The following ANGPT2 variants were observed in gnomAD, a reference collection of about 807,000 sequenced individuals.
The protein encoded by ANGPT2 is angiopoietin-2.
A neutral mutation model predicts 62.9 loss-of-function variants in ANGPT2; 28 were observed. The observed-to-expected ratio is 0.44, with a 90% CI of 0.33 to 0.61. ANGPT2 has a LOEUF of 0.61. Ranked by LOEUF, ANGPT2 falls within the 20% of genes least tolerant of loss-of-function variation. The probability of loss-of-function intolerance (pLI) is 0.03; values close to 1 mark genes in which losing one functional copy is unlikely to be tolerated. For missense variants in ANGPT2, 727 were observed against 594.9 expected (o/e 1.22, Z -2.31); for synonymous variants, 284 against 207.8 (o/e 1.37, Z -3.15).
intron 7 of ANGPT2, among the ~76,000 whole-genome samples, chr8:6,510,848 C>T (rs543373542): frequency 6.6e-6 from 1 of 152,168 alleles, no homozygotes; most frequent in Admixed American, 6.5e-5. Flanking sequence ...AAACTTCATC[C>T]TAAGGCATGA....
rs772416353 is a variant in ANGPT2, at chr8:6,519,923, C to T, written c.868G>A (p.Gly290Arg). The change falls in exon 5 of 9, where the codon GGA (glycine) becomes AGA (arginine). Residue 290 changes from glycine (G) to arginine (R), a missense_variant. By Grantham distance (125) the Gly-to-Arg change is moderately radical. Coordinates refer to ENST00000629816, the MANE Select transcript of ANGPT2 (RefSeq NM_001118887.2). ...GTGTAGATGCCATTCGTGGTGTGTCCTGATTTGAATACTTCAGCACAGTCT... is the reference window on the plus strand; with the variant it reads ...GTGTAGATGCCATTCGTGGTGTGTCTTGATTTGAATACTTCAGCACAGTCT... The part of the protein sequence containing the change: ...FRDCAEVFKS[G>R]HTTNGIYTLT... 10 of 1,613,768 alleles carry T rather than the reference C, an allele frequency of 6.2e-6. No homozygotes were observed. Among genetic ancestry groups the T allele is most frequent in the Non-Finnish European group, 8.5e-6 (10 of 1,179,878 alleles).
Position 6,519,871 on chromosome 8 carries a change from T to C in ANGPT2, c.920A>G (p.Glu307Gly). 1.2e-6 allele frequency: 2 copies of C among 1,613,896 alleles called. No homozygotes were observed. The highest frequency in any genetic ancestry group is 1.7e-6 in the Non-Finnish European group (2 of 1,179,850). The part of the protein sequence containing the change: ...YTLTFPNSTE[E>G]IKAYCDMEAG... ...GGGAGACGAATACCTCACCTTGATC[T>C]CTTCTGTAGAATTAGGGAATGTTAA... The change falls in exon 5 of 9, where the codon GAG (glutamate) becomes GGG (glycine). Residue 307 changes from glutamate (E) to glycine (G), a missense_variant. Glu to Gly is a moderately conservative substitution (Grantham distance 98). Transcript: ENST00000629816.
intron 1 of ANGPT2, among the ~76,000 whole-genome samples, chr8:6,553,210 A>G (rs1452968511): frequency 6.6e-6 from 1 of 152,180 alleles, no homozygotes; most frequent in Non-Finnish European, 1.5e-5. Flanking sequence ...GAGGGGGGAT[A>G]TGGGAACTCT....
chr8:6,525,144 G>A (rs1419653854), intron 3 of ANGPT2, among the ~76,000 whole-genome samples: 1 of 152,172 alleles, frequency 6.6e-6, no homozygotes, highest in African/African-American at 2.4e-5. Context: ...ACCAGCCAAG[G>A]AACTGGCTAC....
intron 1 of ANGPT2, among the ~76,000 whole-genome samples, chr8:6,535,607 AAAT>A (rs921567499): frequency 5.3e-5 from 8 of 152,230 alleles, no homozygotes; most frequent in Admixed American, 2.6e-4. Context: ...TAGTGTCTAT[AAAT>A]ATATACAGCT....
chr8:6,505,447 A>C lies in ANGPT2; in HGVS notation c.1328-2186T>G, dbSNP rs1449726272. On this transcript the variant is annotated intron_variant, in intron 8 of 8. Coordinates refer to ENST00000629816, the MANE Select transcript of ANGPT2 (RefSeq NM_001118887.2). ...TAAAGAATATATATATTCTTTATATACATATAGAATATATATATTCTTTAC... is the reference window on the plus strand; with the variant it reads ...TAAAGAATATATATATTCTTTATATCCATATAGAATATATATATTCTTTAC... Among the ~76,000 whole-genome samples, 10 of 84,262 alleles carry C rather than the reference A, an allele frequency of 1.2e-4. No individual in the cohort carries two copies. The Admixed American group carries it at 1.3e-3, about 11-fold the overall frequency. The allele number at this position is 84,262 out of a possible 152,430, so 55.3% of individuals were successfully genotyped here. A position where few individuals can be genotyped will look rare whatever the true frequency, so the allele number is the denominator to read the frequency against.
At chr8:6,549,009 G>A (rs192912540) in intron 1 of ANGPT2, among the ~76,000 whole-genome samples, 1 of 152,158 alleles carries the variant, frequency 6.6e-6, no homozygotes, top group Non-Finnish European at 1.5e-5. Context: ...TTGGTTCTGG[G>A]CATCACGGAA....
chr8:6,511,785 C>T (rs553363602), intron 7 of ANGPT2, among the ~76,000 whole-genome samples: 13 of 152,224 alleles, frequency 8.5e-5, no homozygotes, highest in African/African-American at 3.1e-4. Context: ...AAGGAAATAT[C>T]TGTTAAGAAC....
intron 1 of ANGPT2, among the ~76,000 whole-genome samples, chr8:6,549,898 A>G (rs1823313032): frequency 6.6e-6 from 1 of 152,170 alleles, no homozygotes; most frequent in African/African-American, 2.4e-5. Flanking sequence ...AGAAAAGAAA[A>G]AGCTAGATTC....
intron 1 of ANGPT2, among the ~76,000 whole-genome samples, chr8:6,546,142 T>C (rs559750869): frequency 6.6e-6 from 1 of 152,358 alleles, no homozygotes; most frequent in African/African-American, 2.4e-5. Context: ...CCTACTGTGC[T>C]ATGCTAGTGT....
chr8:6,541,521 G>T (rs1052393346), intron 1 of ANGPT2, among the ~76,000 whole-genome samples: 2 of 152,196 alleles, frequency 1.3e-5, no homozygotes, highest in African/African-American at 4.8e-5. Flanking sequence ...GGAGTGAGAT[G>T]AGGTTGCAGC....
In ANGPT2 at chr8:6,521,427, T is replaced by C; in HGVS notation, c.567-17A>G. On this transcript the variant is annotated splice_polypyrimidine_tract_variant and intron_variant, in intron 3 of 8. Transcript: ENST00000629816. ...TCTAGGAAACTTGTAAGGAAAAGAA[T>C]TGTTAGTTAGTGAAGGCTATTCTAA... 7.1e-6 allele frequency: 11 copies of C among 1,560,278 alleles called. No individual in the cohort carries two copies. Among genetic ancestry groups the C allele is most frequent in the Non-Finnish European group, 9.7e-6 (11 of 1,139,826 alleles).
In ANGPT2 at chr8:6,514,738, A is replaced by G. The variant is rs146771202; in HGVS notation, c.968T>C (p.Ile323Thr). The G allele has an allele frequency of 2.5e-6, 4 of 1,613,938 alleles. No homozygotes were observed. In the African/African-American group the frequency reaches 5.3e-5, roughly 22 times the overall value. Residue 323 changes from isoleucine to threonine, a missense_variant, in exon 6 of 9, where the codon ATT becomes ACT. By Grantham distance (89) the Ile-to-Thr change is moderately conservative. Transcript: ENST00000629816. Reference sequence around the variant, plus strand: ...GCTGCCATCCTCACGTCGCTGAATAATTGTCCACCCGCCTCCTCCAGCTTC... The same window carrying G: ...GCTGCCATCCTCACGTCGCTGAATAGTTGTCCACCCGCCTCCTCCAGCTTC... Reference protein sequence around the residue: ...DMEAGGGGWTIIQRREDGSVD... With the variant: ...DMEAGGGGWTTIQRREDGSVD...
At chr8:6,518,563 T>C (rs1816733327) in intron 5 of ANGPT2, among the ~76,000 whole-genome samples, 1 of 152,248 alleles carries the variant, frequency 6.6e-6, no homozygotes, top group Non-Finnish European at 1.5e-5. Context: ...AAGATACATG[T>C]TACTGTTTCA....
At chr8:6,518,911 G>GTT (rs748851018) in intron 5 of ANGPT2, among the ~76,000 whole-genome samples, 1 of 147,614 alleles carries the variant, frequency 6.8e-6, no homozygotes, top group African/African-American at 2.5e-5. Context: ...CTCCGGAAGG[G>GTT]TTTTTTTTTT....
chr8:6,541,474 C>T (rs1821560192), intron 1 of ANGPT2, among the ~76,000 whole-genome samples: 1 of 152,096 alleles, frequency 6.6e-6, no homozygotes, highest in Non-Finnish European at 1.5e-5. Context: ...GCAGGGCAGG[C>T]CTGGAGACAG....
At chr8:6,524,792 A>G (rs1818020304) in intron 3 of ANGPT2, among the ~76,000 whole-genome samples, 1 of 152,232 alleles carries the variant, frequency 6.6e-6, no homozygotes, top group Non-Finnish European at 1.5e-5. Context: ...AATAGAAGTT[A>G]TCACAGGGAA....
intron 8 of ANGPT2, among the ~76,000 whole-genome samples, chr8:6,504,617 A>T (rs1335995904): frequency 6.6e-6 from 1 of 152,208 alleles, no homozygotes; most frequent in East Asian, 1.9e-4. Flanking sequence ...GAGAAGCTGT[A>T]AAGTGCTTCC....
chr8:6,547,601 A>G lies in ANGPT2; in HGVS notation c.288+15046T>C, dbSNP rs574877225. Reference sequence around the variant, plus strand: ...TGGACCACCGTAGAATGGCTGACTCACTTGCCTCATCAGTAGAGGGGCACA... The same window carrying G: ...TGGACCACCGTAGAATGGCTGACTCGCTTGCCTCATCAGTAGAGGGGCACA... On this transcript the variant is annotated intron_variant, in intron 1 of 8. Coordinates refer to ENST00000629816, the MANE Select transcript of ANGPT2 (RefSeq NM_001118887.2). Among the ~76,000 whole-genome samples the G allele has an allele frequency of 5.9e-5, 9 of 152,276 alleles. No homozygotes were observed. In the East Asian group the frequency reaches 1.5e-3, roughly 26 times the overall value.
Sources: gnomAD v4.1 joint callset for allele counts (sites outside exome capture counted in the v4.1 genomes callset) on GRCh38, gnomAD v4.1.1 for gene constraint, MANE v1.5 for transcripts, NCBI Gene and HGNC (gene_info 2026-07-23, HGNC 2026-07-21) for gene names.